TRAF2: variants seen among roughly 807,000 people sequenced by gnomAD.
TRAF2 encodes TNF receptor associated factor 2, also known as TNF receptor-associated factor 2.
TRAF2 carries 6 observed loss-of-function variants against 55.6 expected under a neutral mutation model. The observed-to-expected ratio is 0.11, with a 90% confidence interval of 0.06 to 0.21. TRAF2 has a LOEUF of 0.21. Among genes scored for constraint, TRAF2 ranks in the 10% least tolerant of loss-of-function variants. The pLI, the probability that TRAF2 is intolerant of heterozygous loss-of-function variation, is 1.00. For synonymous variants in TRAF2, 329 were observed against 276.3 expected (o/e 1.19, Z -1.89); for missense variants, 561 against 684.5 (o/e 0.82, Z 2.01).
chr9:136,916,447 A>C, intron 6 of TRAF2, 94 bp from the exon 7 acceptor site: 2 of 1,327,196 alleles, frequency 1.5e-6, no homozygotes, highest in East Asian at 2.3e-5. Context: ...GGGGCAGGTC[A>C]TGTAACCTCT....
chr9:136,885,136 T>A (rs529797169), upstream of TRAF2, among the ~76,000 whole-genome samples: 3 of 152,294 alleles, frequency 2.0e-5, no homozygotes, highest in Non-Finnish European at 4.4e-5. Flanking sequence ...GAATTCCAAC[T>A]GCAAACCAAG....
chr9:136,888,795 C>T (rs1202021309), intron 1 of TRAF2, among the ~76,000 whole-genome samples: 2 of 152,176 alleles, frequency 1.3e-5, no homozygotes, highest in African/African-American at 4.8e-5. Flanking sequence ...GTGAAGGCCT[C>T]TGATTTCTTG....
chr9:136,925,549 C>G, intron 10 of TRAF2, 134 bp from the exon 11 acceptor site: 1 of 896,324 alleles, frequency 1.1e-6, no homozygotes, highest in South Asian at 1.7e-5. Flanking sequence ...CACGTGGTCT[C>G]GGCTGGGCCT....
intron 7 of TRAF2, among the ~76,000 whole-genome samples, chr9:136,918,227 T>TTATATA (rs764701854): frequency 4.7e-3 from 320 of 68,022 alleles, no homozygotes; most frequent in East Asian, 0.011. Flanking sequence ...AGTGTTTTGT[T>TTATATA]TATATATATA....
At chr9:136,923,722 C>G in intron 9 of TRAF2, 130 bp from the exon 10 acceptor site, 1 of 677,078 alleles carries the variant, frequency 1.5e-6, no homozygotes, top group Non-Finnish European at 2.0e-6. Context: ...AAAAACTTTT[C>G]TTTGCACCCC....
Position 136,900,503 on chromosome 9 carries a change from A to G in TRAF2, c.349A>G (p.Thr117Ala). 1 of 1,613,986 alleles carries G rather than the reference A, an allele frequency of 6.2e-7. No individual in the cohort carries two copies. Among genetic ancestry groups the G allele is most frequent in the Non-Finnish European group, 8.5e-7 (1 of 1,179,970 alleles). Residue 117 changes from threonine (T) to alanine (A), a missense_variant, in exon 4 of 11, where the codon ACC becomes GCC. By Grantham distance (58) the Thr-to-Ala change is moderately conservative. This residue lies in a region of TRAF2 where 426 missense variants were observed against 476.8 expected (regional missense o/e 0.89). Coordinates refer to ENST00000247668, the MANE Select transcript of TRAF2 (RefSeq NM_021138.4). ...CAGTGATGGATGCACCTGGAAGGGG[A>G]CCCTGAAAGAATACGAGGTAAAGAT... Reference protein sequence around the residue: ...CPSDGCTWKGTLKEYESCHEG... With the variant: ...CPSDGCTWKGALKEYESCHEG...
chr9:136,915,185 A>C (rs887186531), intron 6 of TRAF2, among the ~76,000 whole-genome samples: 6 of 152,206 alleles, frequency 3.9e-5, no homozygotes, highest in African/African-American at 1.4e-4. Context: ...GTCTCAAAAA[A>C]AAGTTTTGTA....
intron 9 of TRAF2, among the ~76,000 whole-genome samples, chr9:136,922,677 G>A (rs562648353): frequency 6.9e-6 from 1 of 145,752 alleles, no homozygotes; most frequent in African/African-American, 2.6e-5. Context: ...GGGCCTGGGG[G>A]CGTGTGGAGG....
At chr9:136,915,903 G>A (rs1850229807) in intron 6 of TRAF2, among the ~76,000 whole-genome samples, 1 of 152,102 alleles carries the variant, frequency 6.6e-6, no homozygotes, top group Non-Finnish European at 1.5e-5. Context: ...CTTGTGCTGC[G>A]TCTGGCATGT....
chr9:136,925,555 G>A, intron 10 of TRAF2, 128 bp from the exon 11 acceptor site: 5 of 948,298 alleles, frequency 5.3e-6, no homozygotes, highest in Non-Finnish European at 7.8e-6. Flanking sequence ...GTCTCGGCTG[G>A]GCCTCAGCCT....
chr9:136,887,910 C>T (rs1251567065), intron 1 of TRAF2, among the ~76,000 whole-genome samples: 1 of 151,996 alleles, frequency 6.6e-6, no homozygotes. Context: ...GGTCTTGTTG[C>T]CCAGGCTGGA....
chr9:136,899,059 G>A lies in TRAF2; in HGVS notation c.188+131G>A, dbSNP rs1038771136. On this transcript the variant is annotated intron_variant, in intron 2 of 10. Coordinates refer to ENST00000247668, the MANE Select transcript of TRAF2 (RefSeq NM_021138.4). Reference sequence around the variant, plus strand: ...TGTGCTCCAGTTATCGATACTCCCTGGATTTCGGAGGTTTACCACAAAGAA... The same window carrying A: ...TGTGCTCCAGTTATCGATACTCCCTAGATTTCGGAGGTTTACCACAAAGAA... The A allele has an allele frequency of 7.0e-6, 6 of 860,922 alleles. No homozygotes were observed. In the African/African-American group the frequency reaches 1.0e-4, roughly 15 times the overall value. 53.3% of individuals were successfully genotyped at this position (860,922 alleles called of 1,614,324 possible). A position where few individuals can be genotyped will look rare whatever the true frequency, so the allele number is the denominator to read the frequency against.
chr9:136,887,433 A>G (rs1849479215), intron 1 of TRAF2, among the ~76,000 whole-genome samples: 1 of 151,836 alleles, frequency 6.6e-6, no homozygotes, highest in South Asian at 2.1e-4. Context: ...GGTATTTTGG[A>G]GTTGTCATTT....
In TRAF2 at chr9:136,909,773, C is replaced by T. The variant is rs142503316; in HGVS notation, c.529-147C>T. ...TGGGTGGTGCTGGCAGGATCCTGCCCGGGAGGAGCACTGTCCTTCGAGGCT... is the reference window on the plus strand; with the variant it reads ...TGGGTGGTGCTGGCAGGATCCTGCCTGGGAGGAGCACTGTCCTTCGAGGCT... On this transcript the variant is annotated intron_variant, in intron 5 of 10. Coordinates refer to ENST00000247668, the MANE Select transcript of TRAF2 (RefSeq NM_021138.4). 2.7e-4 allele frequency: 199 copies of T among 749,902 alleles called. No homozygotes were observed. The East Asian group carries it at 4.2e-3, about 16-fold the overall frequency. The allele number at this position is 749,902 out of a possible 1,614,324, so 46.5% of individuals were successfully genotyped here.
At chr9:136,924,574 A>G (rs1850475056) in intron 10 of TRAF2, among the ~76,000 whole-genome samples, 1 of 151,984 alleles carries the variant, frequency 6.6e-6, no homozygotes. Context: ...ATAAATGAAC[A>G]AAAGGACAAA....
intron 5 of TRAF2, among the ~76,000 whole-genome samples, chr9:136,908,981 C>T (rs1188511119): frequency 6.7e-6 from 1 of 149,172 alleles, no homozygotes; most frequent in African/African-American, 2.5e-5. Flanking sequence ...GAGGTTGCAG[C>T]GAGCCAAGAC....
intron 4 of TRAF2, among the ~76,000 whole-genome samples, chr9:136,903,864 A>T (rs1051457454): frequency 6.6e-6 from 1 of 152,024 alleles, no homozygotes; most frequent in East Asian, 1.9e-4. Context: ...TTGTATTTTT[A>T]GTAGAGATGG....
intron 4 of TRAF2, among the ~76,000 whole-genome samples, chr9:136,907,763 A>G (rs951738540): frequency 6.6e-6 from 1 of 152,022 alleles, no homozygotes; most frequent in Non-Finnish European, 1.5e-5. Context: ...GGGACTGTGC[A>G]CTTGGCTGTT....
At chr9:136,894,047 C>CTTTT (rs11415604) in intron 1 of TRAF2, among the ~76,000 whole-genome samples, 2 of 116,812 alleles carry the variant, frequency 1.7e-5, no homozygotes, top group African/African-American at 3.4e-5. Context: ...TGCGCCTGGC[C>CTTTT]TTTTTTTTTT....
Sources: gnomAD v4.1 joint callset for allele counts (sites outside exome capture counted in the v4.1 genomes callset) on GRCh38, gnomAD v4.1.1 for gene constraint, gnomAD v4.1.1 regional missense constraint, MANE v1.5 for transcripts, NCBI Gene and HGNC (gene_info 2026-07-23, HGNC 2026-07-21) for gene names.